The following TMEM171 variants were observed in gnomAD, a reference collection of about 807,000 sequenced individuals.
TMEM171 encodes the protein transmembrane protein 171, also known as proline-rich protein PRP2.
TMEM171 carries 16 observed loss-of-function variants against 19.1 expected under a neutral mutation model. The ratio of observed to expected loss-of-function variants is 0.84; its 90% CI spans 0.57 to 1.27. The LOEUF (loss-of-function observed/expected upper bound fraction) is 1.27, where lower values mean the gene tolerates loss of function less well. Ranked by LOEUF, TMEM171 falls within the 50% of genes most tolerant of loss-of-function variation. The pLI is 0.00. For missense variants in TMEM171, 429 were observed against 412.7 expected, an observed-to-expected ratio of 1.04 and a Z score of -0.34; for synonymous variants, 153 against 163.4, an observed-to-expected ratio of 0.94 and a Z score of 0.48.
At position 73,123,749 on chromosome 5, in the gene TMEM171, A is replaced by T; in HGVS notation, c.376A>T (p.Ile126Phe). 1 of 1,614,142 alleles carries T rather than the reference A, an allele frequency of 6.2e-7. No homozygotes were observed. The highest frequency in any genetic ancestry group is 1.7e-5 in the Admixed American group (1 of 60,024). ...TCTGTTCTTGACAAGCGGCATGCTC[A>T]TCAGCGTCCTGGGCATTTGGGTCCC... ...GFLFLTSGML[I>F]SVLGIWVPGC... Residue 126 changes from isoleucine to phenylalanine, a missense_variant, in exon 2 of 4, where the codon ATC (isoleucine) becomes TTC (phenylalanine). Coordinates refer to ENST00000454765, the MANE Select transcript of TMEM171 (RefSeq NM_173490.8).
At chr5:73,131,287 A>G (rs1744347475) in intron 3 of TMEM171, among the ~76,000 whole-genome samples, 1 of 151,758 alleles carries the variant, frequency 6.6e-6, no homozygotes, top group Admixed American at 6.6e-5. Flanking sequence ...ATTTGTTTTC[A>G]ATGTCTTTTC....
At chr5:73,126,902 C>T (rs922392575) in intron 2 of TMEM171, among the ~76,000 whole-genome samples, 7 of 152,280 alleles carry the variant, frequency 4.6e-5, no homozygotes, top group African/African-American at 1.4e-4. Context: ...TGTTCTGGTC[C>T]ACTTGTGTGG....
In TMEM171 at chr5:73,131,542, A is replaced by T; in HGVS notation, c.787A>T (p.Thr263Ser). ...SYYSIFNYGR[T>S]PTSEGAASER... ...GTTCTCTCTCCTTCTCTTTAGCAGG[A>T]CCCCAACTTCAGAGGGTGCAGCCTC... Residue 263 changes from threonine to serine, a missense_variant, in exon 4 of 4, where the codon ACC becomes TCC. Coordinates refer to ENST00000454765, the MANE Select transcript of TMEM171 (RefSeq NM_173490.8). The T allele has an allele frequency of 6.3e-7, 1 of 1,593,780 alleles. No homozygotes were observed. The highest frequency in any genetic ancestry group is 8.5e-7 in the Non-Finnish European group (1 of 1,171,436).
chr5:73,128,290 C>G (rs962852916), intron 2 of TMEM171, 100 bp from the exon 3 acceptor site: 1 of 1,452,610 alleles, frequency 6.9e-7, no homozygotes, highest in Non-Finnish European at 9.4e-7. Flanking sequence ...GTGTGTTGAC[C>G]TTTTATATAG....
At chr5:73,128,867 T>G (rs550827937) in intron 3 of TMEM171, among the ~76,000 whole-genome samples, 3 of 151,924 alleles carry the variant, frequency 2.0e-5, no homozygotes, top group South Asian at 2.1e-4. Context: ...CCAAGGTGAG[T>G]GGATCACTTG....
intron 3 of TMEM171, among the ~76,000 whole-genome samples, chr5:73,129,606 C>T (rs1284052543): frequency 6.6e-6 from 1 of 152,168 alleles, no homozygotes; most frequent in Non-Finnish European, 1.5e-5. Context: ...GCACTCCAGC[C>T]TGGGCAACAG....
At chr5:73,130,242 T>A (rs1457165587) in intron 3 of TMEM171, among the ~76,000 whole-genome samples, 1 of 150,892 alleles carries the variant, frequency 6.6e-6, no homozygotes, top group Non-Finnish European at 1.5e-5. Context: ...GGGCAAAGAG[T>A]CAGGGACTAG....
In TMEM171 at chr5:73,123,628, C is replaced by T; in HGVS notation, c.255C>T (p.Leu85=). ...CCCGCTCCCGGGCGCAACTTCAGCT[C>T]CGTGCAGGGCTGCAGAGAGGTCAGC... ...ILARSRAQLQ[L]RAGLQRGQQM... is the part of the protein sequence containing the mutation. The change falls in exon 2 of 4, where the codon CTC becomes CTT. Residue 85 remains leucine (L), a synonymous_variant. Coordinates refer to ENST00000454765, the MANE Select transcript of TMEM171 (RefSeq NM_173490.8). The T allele has an allele frequency of 1.2e-6, 2 of 1,614,214 alleles. No individual in the cohort carries two copies. The highest frequency in any genetic ancestry group is 1.7e-6 in the Non-Finnish European group (2 of 1,180,032).
At chr5:73,122,378 G>A (rs1440329652) in intron 1 of TMEM171, among the ~76,000 whole-genome samples, 40 of 152,170 alleles carry the variant, frequency 2.6e-4, no homozygotes. Flanking sequence ...ACCAGTCTGT[G>A]CTTGTTGAGA....
chr5:73,128,297 A>C, intron 2 of TMEM171, 93 bp from the exon 3 acceptor site: 1 of 1,490,510 alleles, frequency 6.7e-7, no homozygotes, highest in Non-Finnish European at 9.2e-7. Flanking sequence ...GACCTTTTAT[A>C]TAGATGGGCC....
At chr5:73,122,152 C>T (rs975576331) in intron 1 of TMEM171, among the ~76,000 whole-genome samples, 1 of 152,218 alleles carries the variant, frequency 6.6e-6, no homozygotes, top group Non-Finnish European at 1.5e-5. Flanking sequence ...CAAGTTCCCC[C>T]CTTCCACCCA....
intron 2 of TMEM171, among the ~76,000 whole-genome samples, chr5:73,124,875 A>G (rs947506251): frequency 5.9e-5 from 9 of 152,180 alleles, no homozygotes; most frequent in African/African-American, 2.2e-4. Context: ...TCATTGGCAG[A>G]TCACTTTTTT....
Position 73,127,390 on chromosome 5 carries a change from T to A in TMEM171, c.641-1000T>A, listed in dbSNP as rs202197336. 5.3e-3 allele frequency among the ~76,000 whole-genome samples: 614 copies of A among 116,774 alleles called. 6 individuals are homozygous for A. Among genetic ancestry groups the A allele is most frequent in the South Asian group, 0.012 (43 of 3,676 alleles). 76.6% of individuals were successfully genotyped at this position (116,774 alleles called of 152,430 possible). On this transcript the variant is annotated intron_variant, in intron 2 of 3. Transcript: ENST00000454765. ...GTGGTAAAAAAAAAAAAAAAATATATATATATATATATATATAAAGCATAA... is the reference window on the plus strand; with the variant it reads ...GTGGTAAAAAAAAAAAAAAAATATAAATATATATATATATATAAAGCATAA...
At chr5:73,121,911 T>G (rs1744017728) in intron 1 of TMEM171, among the ~76,000 whole-genome samples, 1 of 152,210 alleles carries the variant, frequency 6.6e-6, no homozygotes, top group Non-Finnish European at 1.5e-5. Context: ...CTTCACGATT[T>G]TGGATTGTCT....
At chr5:73,121,447 G>C (rs1404228650) in intron 1 of TMEM171, among the ~76,000 whole-genome samples, 1 of 152,094 alleles carries the variant, frequency 6.6e-6, no homozygotes, top group African/African-American at 2.4e-5. Context: ...ACTCTCCATC[G>C]TTTCATTCCA....
chr5:73,123,198 A>AC lies in TMEM171; in HGVS notation c.-68-103dup, dbSNP rs141172956. On this transcript the variant is annotated intron_variant, in intron 1 of 3. Coordinates refer to ENST00000454765, the MANE Select transcript of TMEM171 (RefSeq NM_173490.8). Reference sequence around the variant, plus strand: ...CAGCTTATCAGTTGTATAAAGTTCTACCCCCAAGGCCTCATTGTGGTGTGA... The same window carrying AC: ...CAGCTTATCAGTTGTATAAAGTTCTACCCCCCAAGGCCTCATTGTGGTGTGA... The AC allele has an allele frequency of 3.1e-3, 2,794 of 907,222 alleles. 54 individuals are homozygous for AC. In the Admixed American group the frequency reaches 0.047, roughly 15 times the overall value. The allele number at this position is 907,222 out of a possible 1,614,324, so 56.2% of individuals were successfully genotyped here.
At chr5:73,130,259 AC>A (rs935982979) in intron 3 of TMEM171, among the ~76,000 whole-genome samples, 2 of 151,206 alleles carry the variant, frequency 1.3e-5, no homozygotes, top group African/African-American at 2.4e-5. Context: ...CTAGTGGGAG[AC>A]CCCCAGGAGG....
chr5:73,121,383 G>A (rs1272220775), intron 1 of TMEM171, among the ~76,000 whole-genome samples: 1 of 151,986 alleles, frequency 6.6e-6, no homozygotes, highest in African/African-American at 2.4e-5. Flanking sequence ...CATGATTCAG[G>A]AAAAAAATTA....
chr5:73,125,479 A>G (rs558799526), intron 2 of TMEM171, among the ~76,000 whole-genome samples: 1 of 152,328 alleles, frequency 6.6e-6, no homozygotes, highest in South Asian at 2.1e-4. Flanking sequence ...GTGTCTGGGC[A>G]CACCCACAGA....
Sources: allele counts gnomAD v4.1 joint callset (sites outside exome capture counted in the v4.1 genomes callset), GRCh38; gene constraint gnomAD v4.1.1; transcripts MANE v1.5; gene names NCBI Gene and HGNC (gene_info 2026-07-23, HGNC 2026-07-21).